Variants in PCDHA2 observed in about 807,000 individuals in gnomAD.
The protein encoded by PCDHA2 is protocadherin alpha 2, also known as protocadherin alpha-2.
Under a neutral mutation model 66.0 loss-of-function variants are expected in PCDHA2, and 58 were observed. The observed-to-expected ratio is 0.88, with a 90% CI of 0.71 to 1.09. The LOEUF is 1.09. Among genes scored for constraint, PCDHA2 ranks in the 50% least tolerant of loss-of-function variants. PCDHA2 has a pLI of 0.00. For missense variants in PCDHA2, 1,267 were observed against 1,242.3 expected, an observed-to-expected ratio of 1.02 and a Z score of -0.30; for synonymous variants, 634 against 554.0, an observed-to-expected ratio of 1.14 and a Z score of -2.03.
At position 140,836,280 on chromosome 5, in the gene PCDHA2, A is replaced by G. The variant is rs1774331146; in HGVS notation, c.2388+38928A>G. 6.2e-7 allele frequency: 1 copy of G among 1,613,762 alleles called. No homozygotes were observed. Among genetic ancestry groups the G allele is most frequent in the African/African-American group, 1.3e-5 (1 of 74,966 alleles). On this transcript the variant is annotated intron_variant, in intron 1 of 3. Coordinates refer to ENST00000526136, the MANE Select transcript of PCDHA2 (RefSeq NM_018905.3). ...GGGGCTGTACACTGGTGAGATCAGCACGACACGAGCCCTAGATGAGACGGA... is the reference window on the plus strand; with the variant it reads ...GGGGCTGTACACTGGTGAGATCAGCGCGACACGAGCCCTAGATGAGACGGA...
At chr5:140,823,966 TGCACACGGG>T in intron 1 of PCDHA2, 1 of 1,613,942 alleles carries the variant, frequency 6.2e-7, no homozygotes, top group Non-Finnish European at 8.5e-7. Context: ...CGAGGCCGTG[TGCACACGGG>T]GCAAGCCCAC....
chr5:140,813,515 C>G (rs892169199), intron 1 of PCDHA2: 3 of 152,074 alleles, frequency 2.0e-5, no homozygotes, highest in Non-Finnish European at 4.4e-5. Context: ...AAACATTGTA[C>G]AGATTTTTAA....
At chr5:141,008,352 A>C (rs549122044) in intron 3 of PCDHA2, among the ~76,000 whole-genome samples, 2 of 152,322 alleles carry the variant, frequency 1.3e-5, no homozygotes, top group South Asian at 4.1e-4. Flanking sequence ...TTCACGTGTC[A>C]ACCAAAGGAG....
intron 3 of PCDHA2, among the ~76,000 whole-genome samples, chr5:140,983,914 AGGATT>A (rs1327360241): frequency 6.6e-6 from 1 of 152,244 alleles, no homozygotes; most frequent in Non-Finnish European, 1.5e-5. Flanking sequence ...CTAATCAGCC[AGGATT>A]TGCTATTTAT....
intron 1 of PCDHA2, chr5:140,830,284 G>C (rs2150184332): frequency 6.2e-7 from 1 of 1,613,852 alleles, no homozygotes; most frequent in Admixed American, 1.7e-5. Context: ...CCGAGGGCGC[G>C]TGCACGGCGG....
At chr5:140,967,845 A>T in intron 1 of PCDHA2, 1 of 1,614,160 alleles carries the variant, frequency 6.2e-7, no homozygotes, top group Non-Finnish European at 8.5e-7. Context: ...GACGTGAATG[A>T]CAATGCCCCA....
intron 1 of PCDHA2, chr5:140,856,754 G>T: frequency 6.3e-7 from 1 of 1,596,774 alleles, no homozygotes; most frequent in Non-Finnish European, 8.6e-7. Context: ...AGATGCCAAT[G>T]ATAACGCCCC....
At chr5:140,943,409 T>C (rs1460668622) in intron 1 of PCDHA2, among the ~76,000 whole-genome samples, 1 of 152,078 alleles carries the variant, frequency 6.6e-6, no homozygotes, top group Non-Finnish European at 1.5e-5. Flanking sequence ...AAATTCAGAC[T>C]AGAGGCAAGG....
intron 1 of PCDHA2, chr5:140,849,878 G>T (rs558218817): frequency 6.3e-7 from 1 of 1,598,486 alleles, no homozygotes; most frequent in East Asian, 2.2e-5. Context: ...CCGAGTACAC[G>T]GTGTTCGTGA....
In PCDHA2 at chr5:140,869,783, G is replaced by A. The variant is rs990827650; in HGVS notation, c.2388+72431G>A. The A allele has an allele frequency of 1.2e-5, 19 of 1,612,688 alleles. No homozygotes were observed. In the African/African-American group the frequency reaches 1.2e-4, roughly 10 times the overall value. ...AAACCAGAGCTTACTGGCACCGTTC[G>A]GCTGTTAGTCCAAGTCTTGGATGTC... On this transcript the variant is annotated intron_variant, in intron 1 of 3. Coordinates refer to ENST00000526136, the MANE Select transcript of PCDHA2 (RefSeq NM_018905.3).
At chr5:140,971,715 T>C (rs2096493906) in intron 1 of PCDHA2, among the ~76,000 whole-genome samples, 1 of 152,048 alleles carries the variant, frequency 6.6e-6, no homozygotes. Context: ...TATATAGATA[T>C]ATGTATATCA....
In PCDHA2 at chr5:140,797,357, G is replaced by A. The variant is rs1472437561; in HGVS notation, c.2388+5G>A. ...GAATCAGAATACGTAGGAAAGGTGA[G>A]TCTTTTACTTTTTCTTGCCAATTCT... On this transcript the variant is annotated splice_donor_5th_base_variant and intron_variant, in intron 1 of 3. Coordinates refer to ENST00000526136, the MANE Select transcript of PCDHA2 (RefSeq NM_018905.3). 6.2e-7 allele frequency: 1 copy of A among 1,611,936 alleles called. No individual in the cohort carries two copies.
At chr5:140,901,033 T>C (rs2153472378) in intron 1 of PCDHA2, among the ~76,000 whole-genome samples, 1 of 152,364 alleles carries the variant, frequency 6.6e-6, no homozygotes, top group South Asian at 2.1e-4. Flanking sequence ...TTCAACTCTT[T>C]TGCCCATTTT....
At chr5:140,863,208 C>A in intron 1 of PCDHA2, 2 of 990,672 alleles carry the variant, frequency 2.0e-6, no homozygotes, top group Non-Finnish European at 3.1e-6. Flanking sequence ...TGGCGGAGAG[C>A]AGCCAAGCGA....
At chr5:141,003,658 A>G (rs1379758431) in intron 3 of PCDHA2, among the ~76,000 whole-genome samples, 2 of 152,212 alleles carry the variant, frequency 1.3e-5, no homozygotes, top group Non-Finnish European at 2.9e-5. Flanking sequence ...GTATGCATTT[A>G]TTAAAATATA....
rs2150462015 is a variant in PCDHA2 at position 140,849,990 on chromosome 5, T to G, written c.2388+52638T>G. On this transcript the variant is annotated intron_variant, in intron 1 of 3. Coordinates refer to ENST00000526136, the MANE Select transcript of PCDHA2 (RefSeq NM_018905.3). ...GTCCTACTCGCTGGTGGAGCGGCGGTTGGGCGAGCGCTCGCTGTCGAGCTA... is the reference window on the plus strand; with the variant it reads ...GTCCTACTCGCTGGTGGAGCGGCGGGTGGGCGAGCGCTCGCTGTCGAGCTA... 9.1e-5 allele frequency: 145 copies of G among 1,596,718 alleles called. 14 individuals carry two copies. The highest frequency in any genetic ancestry group is 5.1e-4 in the Admixed American group (30 of 59,270).
intron 1 of PCDHA2, among the ~76,000 whole-genome samples, chr5:140,844,934 G>A (rs1554140786): frequency 6.7e-6 from 1 of 149,226 alleles, no homozygotes; most frequent in Admixed American, 6.7e-5. Context: ...GGGAATGAAC[G>A]ATTTCTGGGA....
intron 1 of PCDHA2, chr5:140,842,515 G>A (rs2150337754): frequency 5.6e-6 from 9 of 1,613,534 alleles, no homozygotes; most frequent in Non-Finnish European, 1.7e-6. Flanking sequence ...TCAAGCTGGT[G>A]TCCACCTTCA....
chr5:140,966,934 G>A (rs782780798), intron 1 of PCDHA2: 6 of 1,604,080 alleles, frequency 3.7e-6, no homozygotes, highest in South Asian at 2.2e-5. Flanking sequence ...CACCCGGCGC[G>A]CTCGTGGGCA....
Sources: allele counts gnomAD v4.1 joint callset (sites outside exome capture counted in the v4.1 genomes callset), GRCh38; gene constraint gnomAD v4.1.1; transcripts MANE v1.5; gene names NCBI Gene and HGNC (gene_info 2026-07-23, HGNC 2026-07-21).